GPBP1: variants seen among roughly 807,000 people sequenced by gnomAD.
GPBP1 encodes vasculin.
Under a neutral mutation model 56.5 loss-of-function variants are expected in GPBP1, and 13 were observed. The observed-to-expected ratio is 0.23, with a 90% CI of 0.15 to 0.37. The LOEUF is 0.37. GPBP1 is among the 10% of genes least tolerant of loss of function. The pLI, the probability that GPBP1 is intolerant of heterozygous loss-of-function variation, is 1.00. For missense variants in GPBP1, 477 were observed against 572.3 expected, an observed-to-expected ratio of 0.83 and a Z score of 1.70; for synonymous variants, 204 against 188.9, an observed-to-expected ratio of 1.08 and a Z score of -0.66.
chr5:57,187,034 G>A (rs867607002), intron 2 of GPBP1, among the ~76,000 whole-genome samples: 2 of 151,016 alleles, frequency 1.3e-5, no homozygotes, highest in African/African-American at 4.9e-5. Flanking sequence ...GTGTGTGTGT[G>A]TGTGTATGTA....
In GPBP1 at chr5:57,262,766, A is replaced by G. The variant is rs1261893843; in HGVS notation, c.*14A>G. 2 of 1,606,788 alleles carry G rather than the reference A, an allele frequency of 1.2e-6. No homozygotes were observed. The highest frequency in any genetic ancestry group is 2.2e-5 in the South Asian group (2 of 90,604). On this transcript the variant is annotated 3_prime_UTR_variant, in exon 12 of 12. Transcript: ENST00000506184. ...GACGATGTGTGAAGGATTTCCTAAC[A>G]GCTTTAGAAATCTTAGTGTGATACA...
chr5:57,174,149 C>T lies in GPBP1; in HGVS notation c.-1073C>T, dbSNP rs1191187621. 2 of 153,214 alleles carry T rather than the reference C, an allele frequency of 1.3e-5. No homozygotes were observed. Among genetic ancestry groups the T allele is most frequent in the African/African-American group, 4.8e-5 (2 of 41,440 alleles). 9.5% of individuals were successfully genotyped at this position (153,214 alleles called of 1,614,324 possible). ...AGGGGATTATTCAAAGTACCGAAAA[C>T]CTTCTCCCGGGATCAGGCGCGGCGG... On this transcript the variant is annotated 5_prime_UTR_variant, in exon 1 of 12. Transcript: ENST00000506184.
At chr5:57,194,897 A>G (rs1010786495) in intron 2 of GPBP1, among the ~76,000 whole-genome samples, 3 of 152,160 alleles carry the variant, frequency 2.0e-5, no homozygotes, top group African/African-American at 7.2e-5. Flanking sequence ...GTATCCATTC[A>G]TTCGTTGATT....
intron 5 of GPBP1, 68 bp downstream of exon 5, chr5:57,231,389 T>C: frequency 1.6e-6 from 2 of 1,253,624 alleles, no homozygotes; most frequent in African/African-American, 1.5e-5. Context: ...TTCTCCTGCC[T>C]CAGCCTCTCC....
intron 10 of GPBP1, among the ~76,000 whole-genome samples, chr5:57,254,697 A>C (rs1280492940): frequency 6.6e-6 from 1 of 152,052 alleles, no homozygotes; most frequent in Non-Finnish European, 1.5e-5. Flanking sequence ...TGTCTCAAAA[A>C]AAAAAAAAAA....
chr5:57,191,914 A>G (rs767459774), intron 2 of GPBP1, among the ~76,000 whole-genome samples: 3 of 152,110 alleles, frequency 2.0e-5, no homozygotes, highest in Non-Finnish European at 4.4e-5. Flanking sequence ...AAGACTTATC[A>G]TTTTTCAGAG....
intron 2 of GPBP1, among the ~76,000 whole-genome samples, chr5:57,207,057 T>C (rs546618899): frequency 1.1e-4 from 16 of 152,290 alleles, no homozygotes; most frequent in Non-Finnish European, 1.6e-4. Flanking sequence ...TGAGTCATGG[T>C]AGTGCCACTG....
chr5:57,228,227 C>T (rs958608186), intron 3 of GPBP1, among the ~76,000 whole-genome samples: 8 of 152,098 alleles, frequency 5.3e-5, no homozygotes, highest in Non-Finnish European at 1.2e-4. Context: ...GAGCCCAAGG[C>T]GGGCAGATCA....
At chr5:57,174,680 C>A (rs778235760) in intron 1 of GPBP1, among the ~76,000 whole-genome samples, 1 of 152,230 alleles carries the variant, frequency 6.6e-6, no homozygotes, top group Non-Finnish European at 1.5e-5. Flanking sequence ...GTGGCACTTG[C>A]CGTGGACTGG....
chr5:57,190,490 G>T (rs1367477276), intron 2 of GPBP1, among the ~76,000 whole-genome samples: 1 of 151,498 alleles, frequency 6.6e-6, no homozygotes, highest in African/African-American at 2.4e-5. Flanking sequence ...AGGCTGAGGC[G>T]GGAGAACCAC....
chr5:57,238,107 T>C (rs1360000830), intron 6 of GPBP1, among the ~76,000 whole-genome samples: 2 of 152,224 alleles, frequency 1.3e-5, no homozygotes, highest in African/African-American at 2.4e-5. Flanking sequence ...TTAATGGTTA[T>C]TAAATAGTCC....
intron 3 of GPBP1, among the ~76,000 whole-genome samples, chr5:57,220,663 T>G (rs1321237584): frequency 6.6e-6 from 1 of 152,046 alleles, no homozygotes; most frequent in Non-Finnish European, 1.5e-5. Context: ...TTTCATCATA[T>G]TGTCCAGGCT....
chr5:57,178,894 A>G (rs1254999137), intron 2 of GPBP1, among the ~76,000 whole-genome samples: 1 of 152,192 alleles, frequency 6.6e-6, no homozygotes, highest in Admixed American at 6.5e-5. Flanking sequence ...CTGTAGGTCT[A>G]AAAATAATAA....
At chr5:57,195,876 G>A (rs934049531) in intron 2 of GPBP1, among the ~76,000 whole-genome samples, 3 of 144,620 alleles carry the variant, frequency 2.1e-5, no homozygotes, top group African/African-American at 5.2e-5. Context: ...GGTGGCATGC[G>A]CCTGTAGTCC....
chr5:57,221,449 G>A (rs953689805), intron 3 of GPBP1: 15 of 1,085,624 alleles, frequency 1.4e-5, no homozygotes, highest in Admixed American at 6.7e-5. Context: ...TAGATAACTA[G>A]CAAATTCCAT....
At chr5:57,222,255 A>G (rs983012095) in intron 3 of GPBP1, among the ~76,000 whole-genome samples, 1 of 152,162 alleles carries the variant, frequency 6.6e-6, no homozygotes, top group African/African-American at 2.4e-5. Context: ...GGTAACAAAA[A>G]TCTTAAGATG....
intron 5 of GPBP1, among the ~76,000 whole-genome samples, chr5:57,234,856 C>T (rs1198324903): frequency 6.8e-6 from 1 of 146,200 alleles, no homozygotes; most frequent in African/African-American, 2.5e-5. Flanking sequence ...TGGATTGTGC[C>T]CACAATTTGA....
chr5:57,216,255 A>G (rs149120248), intron 3 of GPBP1, among the ~76,000 whole-genome samples: 1 of 152,306 alleles, frequency 6.6e-6, no homozygotes, highest in East Asian at 1.9e-4. Flanking sequence ...TGCCTCTCCC[A>G]GTAAGGTGTA....
intron 2 of GPBP1, among the ~76,000 whole-genome samples, chr5:57,199,205 A>C (rs1270582576): frequency 1.3e-5 from 2 of 152,232 alleles, no homozygotes; most frequent in African/African-American, 4.8e-5. Context: ...ACTCCTGTGA[A>C]GTAAAACTAG....
Sources: allele counts gnomAD v4.1 joint callset (sites outside exome capture counted in the v4.1 genomes callset), GRCh38; gene constraint gnomAD v4.1.1; transcripts MANE v1.5; gene names NCBI Gene and HGNC (gene_info 2026-07-23, HGNC 2026-07-21).